MCF2: variants seen among roughly 807,000 people sequenced by gnomAD.
MCF2 encodes MCF.2 cell line derived transforming sequence, also known as proto-oncogene DBL.
In MCF2, 44 loss-of-function variants were observed where a neutral mutation model predicts 82.5. That is an observed-to-expected ratio of 0.53 (90% CI 0.42 to 0.69). The LOEUF (loss-of-function observed/expected upper bound fraction) is 0.69. MCF2 is among the 30% of genes least tolerant of loss of function. MCF2 has a pLI of 0.00. For missense variants in MCF2, 623 were observed against 663.1 expected (o/e 0.94, Z 0.66); for synonymous variants, 217 against 224.9 (o/e 0.96, Z 0.32).
Position 139,628,746 on chromosome X carries a change from C to T in MCF2, c.438+949G>A, listed in dbSNP as rs190949176. 1.8e-3 allele frequency among the ~76,000 whole-genome samples: 205 copies of T among 111,999 alleles called. 3 individuals carry two copies. The highest frequency in any genetic ancestry group is 0.018 in the Admixed American group (187 of 10,550). ...ATGAGAGAGACAAGTTATATGAATGCCCAGTGCTTGTTCAGATTATTCTTA... is the reference window on the plus strand; with the variant it reads ...ATGAGAGAGACAAGTTATATGAATGTCCAGTGCTTGTTCAGATTATTCTTA... On this transcript the variant is annotated intron_variant, in intron 4 of 24. Transcript: ENST00000370576.
intron 1 of MCF2, 37 bp from the exon 2 acceptor site, chrX:139,651,825 T>C: frequency 1.2e-6 from 1 of 851,110 alleles, no homozygotes. Flanking sequence ...GACATACATG[T>C]TAAGGTACAG....
chrX:139,708,008 T>A (rs1294143158), intron 1 of MCF2, 98 bp downstream of exon 1: 1 of 111,593 alleles, frequency 9.0e-6, no homozygotes, highest in African/African-American at 3.3e-5. Context: ...TGAAAATGAC[T>A]GGCTATGGGG....
chrX:139,630,328 G>A (rs1297023654), intron 3 of MCF2, among the ~76,000 whole-genome samples: 1 of 111,160 alleles, frequency 9.0e-6, no homozygotes, highest in African/African-American at 3.3e-5. Context: ...GAAGGAAACG[G>A]GGGAAAAACT....
chrX:139,696,941 G>A (rs533794952), intron 1 of MCF2, among the ~76,000 whole-genome samples: 3 of 112,162 alleles, frequency 2.7e-5, no homozygotes, highest in African/African-American at 9.7e-5. Flanking sequence ...ACTATATCAA[G>A]TTTCAAACAT....
At chrX:139,621,708 C>T (rs1377940673) in intron 6 of MCF2, among the ~76,000 whole-genome samples, 1 of 111,470 alleles carries the variant, frequency 9.0e-6, no homozygotes, top group Non-Finnish European at 1.9e-5. Flanking sequence ...CCCTTCCTTA[C>T]ATCTTATACA....
chrX:139,614,137 A>C (rs766377245), intron 10 of MCF2, among the ~76,000 whole-genome samples: 1 of 110,741 alleles, frequency 9.0e-6, no homozygotes, highest in Non-Finnish European at 1.9e-5. Flanking sequence ...AGAAGCCCCA[A>C]AGGCAGCTCA....
At chrX:139,612,195 G>T (rs866364086) in intron 10 of MCF2, among the ~76,000 whole-genome samples, 2 of 110,746 alleles carry the variant, frequency 1.8e-5, no homozygotes, top group African/African-American at 3.3e-5. Context: ...AGGAACCAAG[G>T]TCCCAGGCTT....
At chrX:139,651,124 CA>C (rs1933991078) in intron 2 of MCF2, among the ~76,000 whole-genome samples, 2 of 98,512 alleles carry the variant, frequency 2.0e-5, no homozygotes, top group South Asian at 7.7e-4. Flanking sequence ...AATGGTGGCA[CA>C]AAAATGTAAA....
At chrX:139,699,982 G>A (rs1935456781) in intron 1 of MCF2, among the ~76,000 whole-genome samples, 1 of 111,530 alleles carries the variant, frequency 9.0e-6, no homozygotes, top group African/African-American at 3.3e-5. Context: ...AGCTAGTTCT[G>A]GGTTACTTGT....
chrX:139,624,375 C>G (rs1010228417), intron 6 of MCF2, among the ~76,000 whole-genome samples: 2 of 109,070 alleles, frequency 1.8e-5, no homozygotes, highest in Non-Finnish European at 3.8e-5. Context: ...ACCCCATCCC[C>G]ACAAAAATTA....
intron 1 of MCF2, among the ~76,000 whole-genome samples, chrX:139,697,064 T>A (rs902467357): frequency 8.9e-6 from 1 of 111,923 alleles, no homozygotes; most frequent in Admixed American, 9.5e-5. Flanking sequence ...TAAATCCATG[T>A]GACACAGATG....
intron 4 of MCF2, among the ~76,000 whole-genome samples, chrX:139,628,848 C>T (rs1339989592): frequency 3.6e-5 from 4 of 111,330 alleles, no homozygotes; most frequent in African/African-American, 1.3e-4. Context: ...CACAAAACAA[C>T]ACTCCACAAA....
intron 16 of MCF2, among the ~76,000 whole-genome samples, chrX:139,600,637 G>A (rs1159401945): frequency 8.9e-6 from 1 of 111,825 alleles, no homozygotes; most frequent in Non-Finnish European, 1.9e-5. Flanking sequence ...AATCTGACCA[G>A]CCTAATAGAA....
intron 1 of MCF2, among the ~76,000 whole-genome samples, chrX:139,681,814 T>C (rs777971394): frequency 9.8e-5 from 11 of 112,191 alleles, no homozygotes; most frequent in Non-Finnish European, 2.1e-4. Context: ...AATTGATATA[T>C]CTATATTCAT....
At chrX:139,608,134 C>T (rs920234825) in intron 11 of MCF2, among the ~76,000 whole-genome samples, 2 of 111,025 alleles carry the variant, frequency 1.8e-5, no homozygotes, top group South Asian at 3.8e-4. Flanking sequence ...TGATGGAAAC[C>T]TTTCTAGAAA....
At chrX:139,606,445 C>G (rs1195369442) in intron 12 of MCF2, among the ~76,000 whole-genome samples, 1 of 110,677 alleles carries the variant, frequency 9.0e-6, no homozygotes, top group Non-Finnish European at 1.9e-5. Flanking sequence ...GCAACCTCCA[C>G]CTCCCGGGTT....
chrX:139,675,459 T>C (rs779664737), intron 1 of MCF2, among the ~76,000 whole-genome samples: 4 of 112,635 alleles, frequency 3.6e-5, no homozygotes, highest in Middle Eastern at 4.6e-3. Flanking sequence ...TAGTCTTTAA[T>C]GTTGGTGACC....
intron 1 of MCF2, among the ~76,000 whole-genome samples, chrX:139,693,019 G>A (rs1935309585): frequency 8.9e-6 from 1 of 111,779 alleles, no homozygotes; most frequent in East Asian, 2.8e-4. Flanking sequence ...GCAAGAGGAG[G>A]CAACCCGTTT....
intron 1 of MCF2, among the ~76,000 whole-genome samples, chrX:139,693,969 T>C (rs1176072532): frequency 8.9e-6 from 1 of 112,212 alleles, no homozygotes; most frequent in Non-Finnish European, 1.9e-5. Flanking sequence ...GATCCCTTAT[T>C]TTAAACACTA....
Sources: gnomAD v4.1 joint callset for allele counts (sites outside exome capture counted in the v4.1 genomes callset) on GRCh38, gnomAD v4.1.1 for gene constraint, MANE v1.5 for transcripts, NCBI Gene and HGNC (gene_info 2026-07-23, HGNC 2026-07-21) for gene names.